Variants in CHRM3 observed in about 807,000 individuals in gnomAD.
CHRM3 encodes cholinergic receptor muscarinic 3, also known as muscarinic acetylcholine receptor M3.
A neutral mutation model predicts 41.8 loss-of-function variants in CHRM3; 11 were observed. That is an observed-to-expected ratio of 0.26 (90% CI 0.17 to 0.44). CHRM3 has a LOEUF of 0.44. CHRM3 is among the 20% of genes least tolerant of loss of function. The pLI is 1.00. For synonymous variants in CHRM3, 297 were observed against 301.4 expected (o/e 0.99, Z 0.15); for missense variants, 571 against 745.4 (o/e 0.77, Z 2.72).
intron 1 of CHRM3, among the ~76,000 whole-genome samples, chr1:239,436,048 A>G (rs1663240358): frequency 6.6e-6 from 1 of 152,178 alleles, no homozygotes. Flanking sequence ...GACAATGTGA[A>G]TAATGATCGT....
chr1:239,909,999 TG>T lies in CHRM3; in HGVS notation c.*776del, dbSNP rs1680270094. 1.8e-5 allele frequency: 3 copies of T among 167,020 alleles called. No individual in the cohort carries two copies. In the South Asian group the frequency reaches 6.2e-4, roughly 35 times the overall value. The allele number at this position is 167,020 out of a possible 1,614,324, so 10.3% of individuals were successfully genotyped here. On this transcript the variant is annotated 3_prime_UTR_variant, in exon 7 of 7. Coordinates refer to ENST00000676153, the MANE Select transcript of CHRM3 (RefSeq NM_001375978.1). ...CAACATTAACGTGAAATAAGCCCAG[TG>T]TAATGTTTTTGAAACCAGGGCTGTT... is the stretch of plus-strand genomic sequence containing the variant.
At chr1:239,525,924 G>C (rs1463783675) in intron 2 of CHRM3, among the ~76,000 whole-genome samples, 1 of 152,138 alleles carries the variant, frequency 6.6e-6, no homozygotes, top group Non-Finnish European at 1.5e-5. Context: ...CCCAATTCCA[G>C]TTAAATCAGA....
In CHRM3 at chr1:239,488,514, G is replaced by C. The variant is rs1210087026; in HGVS notation, c.-520-4195G>C. Among the ~76,000 whole-genome samples the C allele has an allele frequency of 7.2e-5, 11 of 151,786 alleles. No individual in the cohort carries two copies. In the East Asian group the frequency reaches 2.1e-3, roughly 30 times the overall value. On this transcript the variant is annotated intron_variant, in intron 1 of 6. Transcript: ENST00000676153. ...GCAGATCATCAGGTCAGGAAATCGA[G>C]ACCATCCTGGCTAACAAAGTGAAAC...
chr1:239,721,161 T>A (rs1434595457), intron 5 of CHRM3, among the ~76,000 whole-genome samples: 1 of 151,820 alleles, frequency 6.6e-6, no homozygotes, highest in Non-Finnish European at 1.5e-5. Flanking sequence ...AAAAATCCAA[T>A]GGGTTTTAGT....
At chr1:239,723,643 C>T (rs1663177235) in intron 5 of CHRM3, among the ~76,000 whole-genome samples, 2 of 151,950 alleles carry the variant, frequency 1.3e-5, no homozygotes, top group Non-Finnish European at 2.9e-5. Context: ...TGTTCTGTCT[C>T]ACCACACTGA....
At chr1:239,684,741 AAAGAAAG>A in intron 5 of CHRM3, among the ~76,000 whole-genome samples, 1 of 125,196 alleles carries the variant, frequency 8.0e-6, no homozygotes, top group Non-Finnish European at 1.6e-5. Flanking sequence ...GGAAAGAGAG[AAAGAAAG>A]AGAAAGAAAG....
chr1:239,559,449 T>C (rs1660664265), intron 3 of CHRM3, among the ~76,000 whole-genome samples: 1 of 152,298 alleles, frequency 6.6e-6, no homozygotes, highest in South Asian at 2.1e-4. Flanking sequence ...ATTGCTTCAT[T>C]TCAGTCAAGA....
At chr1:239,842,487 G>A (rs1673897196) in intron 6 of CHRM3, among the ~76,000 whole-genome samples, 2 of 152,084 alleles carry the variant, frequency 1.3e-5, no homozygotes, top group East Asian at 1.9e-4. Flanking sequence ...CGCCTGCCTT[G>A]GCCTCCCAAA....
chr1:239,413,257 A>G (rs1189971523), intron 1 of CHRM3, among the ~76,000 whole-genome samples: 1 of 151,982 alleles, frequency 6.6e-6, no homozygotes, highest in Non-Finnish European at 1.5e-5. Context: ...GTGAATCATA[A>G]TCTGGATTCA....
rs577124126 is a variant in CHRM3, at chr1:239,453,629, A to G, written c.-520-39080A>G. Among the ~76,000 whole-genome samples the G allele has an allele frequency of 1.4e-4, 22 of 152,316 alleles. No homozygotes were observed. The South Asian group carries it at 4.6e-3, about 32-fold the overall frequency. On this transcript the variant is annotated intron_variant, in intron 1 of 6. Coordinates refer to ENST00000676153, the MANE Select transcript of CHRM3 (RefSeq NM_001375978.1). ...AAGTTTAGCTATTAAAAAAAGAAGG[A>G]TGCACGTAGGTATATATTATGCATT... is the stretch of plus-strand genomic sequence containing the variant.
intron 2 of CHRM3, among the ~76,000 whole-genome samples, chr1:239,501,867 C>A (rs1199080159): frequency 6.6e-6 from 1 of 151,886 alleles, no homozygotes; most frequent in African/African-American, 2.4e-5. Flanking sequence ...AAAAAAAATT[C>A]TTTGAACTGA....
chr1:239,656,578 C>G (rs1305342278), intron 4 of CHRM3, among the ~76,000 whole-genome samples: 5 of 152,094 alleles, frequency 3.3e-5, no homozygotes, highest in African/African-American at 1.2e-4. Context: ...AAAGTGGACA[C>G]TGCAGTGAGT....
intron 6 of CHRM3, chr1:239,886,431 A>G (rs1678079888): frequency 6.6e-6 from 1 of 152,168 alleles, no homozygotes; most frequent in African/African-American, 2.4e-5. Context: ...TCCCATGGCA[A>G]CATTTTCTCA....
intron 1 of CHRM3, among the ~76,000 whole-genome samples, chr1:239,489,755 G>A (rs1667439410): frequency 1.3e-5 from 2 of 152,056 alleles, no homozygotes; most frequent in African/African-American, 2.4e-5. Flanking sequence ...TCTTAAATTC[G>A]AGGAACTAGT....
chr1:239,822,228 A>G (rs868119525), intron 5 of CHRM3, among the ~76,000 whole-genome samples: 14 of 152,336 alleles, frequency 9.2e-5, no homozygotes, highest in South Asian at 2.1e-4. Flanking sequence ...CAACACAATT[A>G]AATAGTAATT....
rs16839099 is a variant in CHRM3 at position 239,907,356 on chromosome 1, T to C, written c.-19-77T>C. 3.6e-3 allele frequency: 4,029 copies of C among 1,121,490 alleles called. 115 individuals are homozygous for C. The African/African-American group carries it at 0.055, about 15-fold the overall frequency. 69.5% of individuals were successfully genotyped at this position (1,121,490 alleles called of 1,614,324 possible). A position where few individuals can be genotyped will look rare whatever the true frequency, so the allele number is the denominator to read the frequency against. On this transcript the variant is annotated intron_variant, in intron 6 of 6. Transcript: ENST00000676153. This position sits in a 1 kb window ranked among gnomAD's most constrained non-coding sequence, Gnocchi z 5.4. ...CCCTGTAATAGGCCTTCCATGTCTTTTAACGTATGTAATGCAAAGAACAAA... is the reference window on the plus strand; with the variant it reads ...CCCTGTAATAGGCCTTCCATGTCTTCTAACGTATGTAATGCAAAGAACAAA...
intron 5 of CHRM3, among the ~76,000 whole-genome samples, chr1:239,684,693 G>A (rs1658910627): frequency 7.6e-6 from 1 of 130,994 alleles, no homozygotes; most frequent in Non-Finnish European, 1.6e-5. Context: ...GAAGGAAGGA[G>A]AGAGAGAGAG....
chr1:239,457,871 A>G (rs1665068393), intron 1 of CHRM3, among the ~76,000 whole-genome samples: 2 of 152,348 alleles, frequency 1.3e-5, no homozygotes, highest in South Asian at 4.1e-4. Context: ...GGACTCAAAT[A>G]TGGTTTATGA....
chr1:239,697,247 C>CATGGG (rs1270890470), intron 5 of CHRM3, among the ~76,000 whole-genome samples: 2 of 152,110 alleles, frequency 1.3e-5, no homozygotes, highest in Non-Finnish European at 2.9e-5. Flanking sequence ...ATGCTGTTCT[C>CATGGG]ATGATAGTGA....
Sources: gnomAD v4.1 joint callset for allele counts (sites outside exome capture counted in the v4.1 genomes callset) on GRCh38, gnomAD v4.1.1 for gene constraint, Gnocchi (gnomAD v3.1) non-coding constraint, MANE v1.5 for transcripts, NCBI Gene and HGNC (gene_info 2026-07-23, HGNC 2026-07-21) for gene names.